Variants in SORL1-AS1 observed in about 807,000 individuals in gnomAD.
SORL1-AS1 encodes SORL1 antisense RNA 1, also known as lncRNA 51 A.
In SORL1-AS1 at chr11:121,452,294, C is replaced by T; in HGVS notation, n.339+381G>A. On this transcript the variant is annotated intron_variant and non_coding_transcript_variant, in intron 1 of 1. Coordinates refer to ENST00000501964, the Ensembl canonical transcript of SORL1-AS1. This position sits in a 1 kb window ranked among gnomAD's most constrained non-coding sequence, Gnocchi z 5.3. ...CTGGCCTCGCGCTGCACATTCTCTC[C>T]TGGCGGCGGCGCCACCTGCAGTAGC... is the stretch of plus-strand genomic sequence containing the variant. 6.8e-7 allele frequency: 1 copy of T among 1,459,936 alleles called. No homozygotes were observed. Among genetic ancestry groups the T allele is most frequent in the Non-Finnish European group, 9.1e-7 (1 of 1,104,216 alleles). The allele number at this position is 1,459,936 out of a possible 1,614,324, so 90.4% of individuals were successfully genotyped here.
Position 121,450,746 on chromosome 11 carries a change from A to C in SORL1-AS1, n.340-847T>G, listed in dbSNP as rs1208456839. Among the ~76,000 whole-genome samples, 1 of 152,154 alleles carries C rather than the reference A, an allele frequency of 6.6e-6. No homozygotes were observed. Among genetic ancestry groups the C allele is most frequent in the Non-Finnish European group, 1.5e-5 (1 of 68,020 alleles). The stretch of plus-strand genomic sequence containing the variant: ...TGATTTGCTTGGTGGGGAGAACTGG[A>C]TGGTTCTGTAATTATGTTGAGATGG... On this transcript the variant is annotated intron_variant and non_coding_transcript_variant, in intron 1 of 1. Coordinates refer to ENST00000501964, the Ensembl canonical transcript of SORL1-AS1. The surrounding 1 kb of genome is among the most constrained non-coding windows in gnomAD (Gnocchi z 5.2).
At position 121,452,715 on chromosome 11, in the gene SORL1-AS1, AC is replaced by A; in HGVS notation, n.298del. 9.5e-7 allele frequency: 1 copy of A among 1,047,288 alleles called. No individual in the cohort carries two copies. Among genetic ancestry groups the A allele is most frequent in the Non-Finnish European group, 1.3e-6 (1 of 781,376 alleles). The allele number at this position is 1,047,288 out of a possible 1,614,324, so 64.9% of individuals were successfully genotyped here. On this transcript the variant is annotated non_coding_transcript_exon_variant, in exon 1 of 2. Coordinates refer to ENST00000501964, the Ensembl canonical transcript of SORL1-AS1. This position sits in a 1 kb window ranked among gnomAD's most constrained non-coding sequence, Gnocchi z 5.3. ...TTGCAGTCGCCTCCTAGGTGCAGGC[AC>A]CACTGGGGACTTCCCGGCTTGCATT...
chr11:121,446,003 A>G (rs1362780057), downstream of SORL1-AS1, among the ~76,000 whole-genome samples: 2 of 152,124 alleles, frequency 1.3e-5, no homozygotes, highest in African/African-American at 4.8e-5. Flanking sequence ...CCTCTCTGCC[A>G]TTCTTTGCAG....
downstream of SORL1-AS1, among the ~76,000 whole-genome samples, chr11:121,442,833 C>T (rs752905743): frequency 1.5e-4 from 22 of 150,454 alleles, no homozygotes; most frequent in Non-Finnish European, 3.0e-4. Context: ...CGCCCACCAC[C>T]ACGCCCGGCT....
downstream of SORL1-AS1, among the ~76,000 whole-genome samples, chr11:121,445,400 C>T (rs889705031): frequency 2.0e-5 from 3 of 152,174 alleles, no homozygotes; most frequent in Non-Finnish European, 4.4e-5. Context: ...CCTGGCTGCA[C>T]GGCCTCCACG....
chr11:121,451,529 G>C (rs950642487), intron 1 of SORL1-AS1, among the ~76,000 whole-genome samples: 8 of 152,252 alleles, frequency 5.3e-5, no homozygotes, highest in African/African-American at 1.9e-4. Flanking sequence ...ATTCATGCGT[G>C]CGTGCAAGCA....
At chr11:121,451,224 A>G (rs905843764) in intron 1 of SORL1-AS1, among the ~76,000 whole-genome samples, 1 of 152,196 alleles carries the variant, frequency 6.6e-6, no homozygotes, top group Non-Finnish European at 1.5e-5. Context: ...GCAGTAGTAC[A>G]TAGACTTTGG....
At position 121,452,578 on chromosome 11, in the gene SORL1-AS1, G is replaced by T. The variant is rs1860820416; in HGVS notation, n.339+97C>A. ...GAAGCCGCTCCGGAGGAAACGGAGC[G>T]CTGCCCTGCAGCCCGAGCCCATCAA... On this transcript the variant is annotated intron_variant and non_coding_transcript_variant, in intron 1 of 1. Coordinates refer to ENST00000501964, the Ensembl canonical transcript of SORL1-AS1. This position sits in a 1 kb window ranked among gnomAD's most constrained non-coding sequence, Gnocchi z 5.3. 2 of 1,522,254 alleles carry T rather than the reference G, an allele frequency of 1.3e-6. No homozygotes were observed. Among genetic ancestry groups the T allele is most frequent in the East Asian group, 2.6e-5 (1 of 37,990 alleles). The allele number at this position is 1,522,254 out of a possible 1,614,324, so 94.3% of individuals were successfully genotyped here.
At chr11:121,440,509 T>G in the SORL1-AS1 span, among the ~76,000 whole-genome samples, 2 of 152,224 alleles carry the variant, frequency 1.3e-5, no homozygotes, top group Non-Finnish European at 2.9e-5. Flanking sequence ...TCTCTTGCCC[T>G]CCTGTCTCTT....
chr11:121,441,480 A>C, the SORL1-AS1 span, among the ~76,000 whole-genome samples: 1 of 145,900 alleles, frequency 6.9e-6, no homozygotes, highest in Non-Finnish European at 1.5e-5. Flanking sequence ...GCAGTGAGCC[A>C]AGATTCCACC....
Position 121,450,635 on chromosome 11 carries a change from A to G in SORL1-AS1, n.340-736T>C, listed in dbSNP as rs1362405866. Among the ~76,000 whole-genome samples, 5 of 152,162 alleles carry G rather than the reference A, an allele frequency of 3.3e-5. No individual in the cohort carries two copies. The highest frequency in any genetic ancestry group is 5.9e-5 in the Non-Finnish European group (4 of 68,024). ...GGGTGCAGGATGAAGGCACCCCAATAATACCACACTGGGGAAAGTGTGGTA... is the reference window on the plus strand; with the variant it reads ...GGGTGCAGGATGAAGGCACCCCAATGATACCACACTGGGGAAAGTGTGGTA... On this transcript the variant is annotated intron_variant and non_coding_transcript_variant, in intron 1 of 1. Transcript: ENST00000501964. The surrounding 1 kb of genome is among the most constrained non-coding windows in gnomAD (Gnocchi z 5.2).
chr11:121,444,184 C>T (rs1008401343), downstream of SORL1-AS1, among the ~76,000 whole-genome samples: 1 of 152,234 alleles, frequency 6.6e-6, no homozygotes, highest in South Asian at 2.1e-4. Flanking sequence ...TTTATAGCAA[C>T]ATATCACCTG....
exon 2 of SORL1-AS1, chr11:121,449,818 C>T (rs1860767085): frequency 6.6e-6 from 1 of 152,218 alleles, no homozygotes; most frequent in Non-Finnish European, 1.5e-5. Context: ...AGTCAACCTT[C>T]TGACTCAGAA....
At chr11:121,446,147 C>T (rs374993575), downstream of SORL1-AS1, among the ~76,000 whole-genome samples, 184 of 152,306 alleles carry the variant, frequency 1.2e-3, no homozygotes, top group African/African-American at 4.1e-3. Flanking sequence ...TTCACTTTTA[C>T]TTCAATTCTG....
chr11:121,443,440 G>T (rs1196208291), downstream of SORL1-AS1, among the ~76,000 whole-genome samples: 2 of 152,220 alleles, frequency 1.3e-5, no homozygotes, highest in African/African-American at 4.8e-5. Context: ...TATTCCCACT[G>T]AAGGAAAAGC....
At chr11:121,442,804 G>T (rs1245702872), downstream of SORL1-AS1, among the ~76,000 whole-genome samples, 1 of 149,738 alleles carries the variant, frequency 6.7e-6, no homozygotes, top group South Asian at 2.1e-4. Context: ...TCAGCCTCCC[G>T]AGTAGCTGGG....
downstream of SORL1-AS1, among the ~76,000 whole-genome samples, chr11:121,444,742 C>A (rs1224331047): frequency 2.6e-5 from 4 of 152,222 alleles, no homozygotes; most frequent in African/African-American, 9.6e-5. Flanking sequence ...GCAGGAACCA[C>A]ACTCCATGGT....
chr11:121,443,620 G>C (rs1329003732), downstream of SORL1-AS1, among the ~76,000 whole-genome samples: 2 of 152,186 alleles, frequency 1.3e-5, no homozygotes, highest in Non-Finnish European at 2.9e-5. Flanking sequence ...CGTTTGAAGG[G>C]ACTTCATCAG....
chr11:121,442,903 C>T (rs1262988771), downstream of SORL1-AS1, among the ~76,000 whole-genome samples: 1 of 150,788 alleles, frequency 6.6e-6, no homozygotes, highest in Non-Finnish European at 1.5e-5. Flanking sequence ...TGGTCTTGAT[C>T]TCCTGACCTC....
Sources: gnomAD v4.1 joint callset for allele counts (sites outside exome capture counted in the v4.1 genomes callset) on GRCh38, gnomAD v4.1.1 for gene constraint, Gnocchi (gnomAD v3.1) non-coding constraint, MANE v1.5 for transcripts, NCBI Gene and HGNC (gene_info 2026-07-23, HGNC 2026-07-21) for gene names.